Variants in PKHD1 observed in about 807,000 individuals in gnomAD.
PKHD1 encodes the protein fibrocystin.
A neutral mutation model predicts 412.0 loss-of-function variants in PKHD1; 291 were observed. That is an observed-to-expected ratio of 0.71 (90% CI 0.64 to 0.78). The LOEUF (loss-of-function observed/expected upper bound fraction) is 0.78. PKHD1 is among the 30% of genes least tolerant of loss of function. The probability of loss-of-function intolerance (pLI) is 0.00; values close to 1 mark genes in which losing one functional copy is unlikely to be tolerated. For missense variants in PKHD1, 4,825 were observed against 4,950.7 expected (o/e 0.97, Z 0.76); for synonymous variants, 1,777 against 1,821.5 (o/e 0.98, Z 0.62).
At chr6:51,784,427 C>T (rs755905690) in intron 53 of PKHD1, among the ~76,000 whole-genome samples, 5 of 152,104 alleles carry the variant, frequency 3.3e-5, no homozygotes, top group African/African-American at 4.8e-5. Context: ...ACCAATAAAA[C>T]GAGACAGACG....
chr6:51,884,132 A>T (rs749584969), intron 45 of PKHD1, among the ~76,000 whole-genome samples: 2 of 152,318 alleles, frequency 1.3e-5, no homozygotes, highest in Non-Finnish European at 2.9e-5. Flanking sequence ...GTCTTTGACC[A>T]ATTTTTTGCT....
At chr6:51,664,172 TC>T (rs1773326719) in intron 60 of PKHD1, among the ~76,000 whole-genome samples, 2 of 152,114 alleles carry the variant, frequency 1.3e-5, no homozygotes, top group African/African-American at 4.8e-5. Context: ...TTTTACATAT[TC>T]CACCCAGAAG....
chr6:52,083,971 A>G (rs1053332326), intron 2 of PKHD1, among the ~76,000 whole-genome samples: 1 of 138,770 alleles, frequency 7.2e-6, no homozygotes, highest in Admixed American at 7.2e-5. Flanking sequence ...CCTTTTGTTT[A>G]AAAAAAAAAA....
intron 35 of PKHD1, among the ~76,000 whole-genome samples, chr6:51,985,996 C>T (rs1395224519): frequency 6.6e-6 from 1 of 151,798 alleles, no homozygotes; most frequent in Non-Finnish European, 1.5e-5. Context: ...CAAATGGTAC[C>T]GGTCATATTA....
intron 49 of PKHD1, among the ~76,000 whole-genome samples, chr6:51,854,190 T>C (rs1053640960): frequency 2.6e-5 from 4 of 152,048 alleles, no homozygotes; most frequent in Admixed American, 6.6e-5. Context: ...CCCTCTTCTG[T>C]TGGGCTGCTG....
intron 53 of PKHD1, among the ~76,000 whole-genome samples, chr6:51,780,373 A>C (rs4604271): frequency 0.59 from 88,208 of 150,716 alleles, 26,575 homozygotes; most frequent in East Asian, 0.83. Flanking sequence ...GGTGACAGAG[A>C]AAGACTCCAT....
chr6:51,675,340 T>G (rs1349344206), intron 60 of PKHD1, among the ~76,000 whole-genome samples: 1 of 152,222 alleles, frequency 6.6e-6, no homozygotes, highest in Non-Finnish European at 1.5e-5. Flanking sequence ...AGGTTTAGTT[T>G]TGAGTAATGA....
chr6:51,905,454 A>C (rs1781933228), intron 41 of PKHD1, among the ~76,000 whole-genome samples: 1 of 152,196 alleles, frequency 6.6e-6, no homozygotes, highest in African/African-American at 2.4e-5. Context: ...ATGTTGCAAG[A>C]GAAGAGTAAG....
At chr6:51,896,184 C>G (rs1308326253) in intron 43 of PKHD1, among the ~76,000 whole-genome samples, 1 of 152,106 alleles carries the variant, frequency 6.6e-6, no homozygotes, top group Non-Finnish European at 1.5e-5. Context: ...AGGAGGCCTG[C>G]CTGCCTCTGT....
intron 46 of PKHD1, among the ~76,000 whole-genome samples, chr6:51,872,898 T>TC (rs1776215955): frequency 8.3e-6 from 1 of 120,896 alleles, no homozygotes; most frequent in South Asian, 3.1e-4. Context: ...TTTTTTTTTT[T>TC]TCAGAAAGTT....
At chr6:51,771,068 A>G (rs1790018198) in intron 55 of PKHD1, among the ~76,000 whole-genome samples, 1 of 152,052 alleles carries the variant, frequency 6.6e-6, no homozygotes, top group Non-Finnish European at 1.5e-5. Context: ...GCCTGCTTAC[A>G]GATTTCAAAC....
At chr6:51,661,891 A>G (rs1581909123) in intron 60 of PKHD1, among the ~76,000 whole-genome samples, 1 of 152,070 alleles carries the variant, frequency 6.6e-6, no homozygotes, top group South Asian at 2.1e-4. Flanking sequence ...CTAGATTTGC[A>G]TATAATCTAG....
chr6:52,061,885 A>C (rs1808732286), intron 14 of PKHD1, among the ~76,000 whole-genome samples: 2 of 152,246 alleles, frequency 1.3e-5, no homozygotes, highest in Non-Finnish European at 2.9e-5. Context: ...AGCAATTTTC[A>C]AGCTTTTATA....
At chr6:51,905,299 A>C (rs1002943175) in intron 41 of PKHD1, among the ~76,000 whole-genome samples, 1 of 152,178 alleles carries the variant, frequency 6.6e-6, no homozygotes, top group African/African-American at 2.4e-5. Context: ...TAATATGCTA[A>C]GTGTTCAGGA....
chr6:51,936,777 G>A (rs533870003), intron 36 of PKHD1, among the ~76,000 whole-genome samples: 35 of 97,734 alleles, frequency 3.6e-4, no homozygotes, highest in East Asian at 2.4e-3. Flanking sequence ...GAGACATTAA[G>A]ACTGACAAAA....
intron 54 of PKHD1, among the ~76,000 whole-genome samples, chr6:51,773,501 C>A (rs59413186): frequency 0.18 from 27,896 of 151,226 alleles, 3,379 homozygotes; most frequent in African/African-American, 0.34. Context: ...TGTGTACTCT[C>A]AGCACATATA....
intron 37 of PKHD1, among the ~76,000 whole-genome samples, chr6:51,917,175 G>GAGGGAGGGAGAGAGGC (rs1321771098): frequency 7.5e-6 from 1 of 133,258 alleles, no homozygotes; most frequent in East Asian, 2.6e-4. Context: ...GGGAGAGAGG[G>GAGGGAGGGAGAGAGGC]AGAGAGGGAG....
intron 29 of PKHD1, among the ~76,000 whole-genome samples, chr6:52,031,444 A>G (rs758799718): frequency 6.6e-6 from 1 of 152,224 alleles, no homozygotes; most frequent in Non-Finnish European, 1.5e-5. Context: ...CTGCCTGCCC[A>G]TGTGGCATAG....
At chr6:52,027,969 T>C in intron 30 of PKHD1, 73 bp from the exon 31 acceptor site, 2 of 1,291,108 alleles carry the variant, frequency 1.5e-6, no homozygotes, top group Non-Finnish European at 2.3e-6. Context: ...AGAAGAGCCA[T>C]ATGTATTTTG....
Sources: gnomAD v4.1 joint callset for allele counts (sites outside exome capture counted in the v4.1 genomes callset) on GRCh38, gnomAD v4.1.1 for gene constraint, MANE v1.5 for transcripts, NCBI Gene and HGNC (gene_info 2026-07-23, HGNC 2026-07-21) for gene names.